Variants in NR6A1 observed in about 807,000 individuals in gnomAD.
NR6A1 encodes the protein nuclear receptor subfamily 6 group A member 1, also known as retinoic acid receptor-related testis-associated receptor.
A neutral mutation model predicts 59.1 loss-of-function variants in NR6A1; 7 were observed. The ratio of observed to expected loss-of-function variants is 0.12; its 90% CI spans 0.07 to 0.22. The LOEUF (loss-of-function observed/expected upper bound fraction) is 0.22, where lower values mean the gene tolerates loss of function less well. Among genes scored for constraint, NR6A1 ranks in the 10% least tolerant of loss-of-function variants. The pLI is 1.00. For missense variants in NR6A1, 468 were observed against 611.6 expected (o/e 0.77, Z 2.48); for synonymous variants, 243 against 236.1 (o/e 1.03, Z -0.27).
chr9:124,759,555 C>T (rs1214749221), intron 1 of NR6A1, among the ~76,000 whole-genome samples: 1 of 152,220 alleles, frequency 6.6e-6, no homozygotes, highest in Non-Finnish European at 1.5e-5. Flanking sequence ...GCAAAAGGCT[C>T]ATATTCCTGA....
intron 1 of NR6A1, among the ~76,000 whole-genome samples, chr9:124,743,857 A>G (rs1380772715): frequency 6.6e-6 from 1 of 152,138 alleles, no homozygotes; most frequent in Non-Finnish European, 1.5e-5. Context: ...ATTCTCTGGC[A>G]TTTTTCATTT....
intron 2 of NR6A1, among the ~76,000 whole-genome samples, chr9:124,648,620 T>G (rs1026022376): frequency 6.7e-6 from 1 of 150,290 alleles, no homozygotes; most frequent in Non-Finnish European, 1.5e-5. Flanking sequence ...GAGAAAGAAA[T>G]AAAGGGCAGC....
chr9:124,554,218 A>G, intron 3 of NR6A1, 110 bp downstream of exon 3: 5 of 1,515,214 alleles, frequency 3.3e-6, no homozygotes, highest in East Asian at 4.5e-5. Flanking sequence ...AGTACAAACT[A>G]TAAGGCCTGA....
intron 3 of NR6A1, 92 bp downstream of exon 3, chr9:124,554,236 T>G: frequency 6.3e-7 from 1 of 1,582,592 alleles, no homozygotes; most frequent in South Asian, 1.1e-5. Flanking sequence ...TGATATGTAG[T>G]GCAAGCTTGA....
At chr9:124,618,524 C>T (rs1835966262) in intron 2 of NR6A1, among the ~76,000 whole-genome samples, 1 of 152,018 alleles carries the variant, frequency 6.6e-6, no homozygotes, top group South Asian at 2.1e-4. Context: ...GAAAGGTAAC[C>T]ACGAGCCCAG....
chr9:124,532,181 T>A (rs1833119526), intron 7 of NR6A1, among the ~76,000 whole-genome samples: 1 of 152,242 alleles, frequency 6.6e-6, no homozygotes, highest in African/African-American at 2.4e-5. Context: ...ACATTCTCTT[T>A]ATACCCTAAA....
At position 124,687,291 on chromosome 9, in the gene NR6A1, A is replaced by ATTTATTTATTTAT. The variant is rs1838365950; in HGVS notation, c.142+46016_142+46017insATAAATAAATAAA. 3.0e-3 allele frequency among the ~76,000 whole-genome samples: 420 copies of ATTTATTTATTTAT among 142,166 alleles called. 4 individuals carry two copies. Among genetic ancestry groups the ATTTATTTATTTAT allele is most frequent in the African/African-American group, 0.01 (378 of 36,988 alleles). The allele number at this position is 142,166 out of a possible 152,430, so 93.3% of individuals were successfully genotyped here. A position where few individuals can be genotyped will look rare whatever the true frequency, so the allele number is the denominator to read the frequency against. ...ACATGCCACCACAGCCAGCTAATTAATTATTTATTTATTTATTTATTTATT... is the reference window on the plus strand; with the variant it reads ...ACATGCCACCACAGCCAGCTAATTAATTTATTTATTTATTTATTTATTTATTTATTTATTTATT... On this transcript the variant is annotated intron_variant, in intron 2 of 9. Transcript: ENST00000487099.
rs1439468997 is a variant in NR6A1, at chr9:124,520,205, G to C, written c.*2500C>G. ...CTCCTACCTTCTCCTCATAATACCT[G>C]AGTTTGCAATGCAACACATTCACTT... On this transcript the variant is annotated 3_prime_UTR_variant, in exon 10 of 10. Transcript: ENST00000487099. 1 of 151,950 alleles carries C rather than the reference G, an allele frequency of 6.6e-6. No individual in the cohort carries two copies. The highest frequency in any genetic ancestry group is 2.4e-5 in the African/African-American group (1 of 41,326). 9.4% of individuals were successfully genotyped at this position (151,950 alleles called of 1,614,324 possible).
At chr9:124,756,542 T>C (rs898670339) in intron 1 of NR6A1, among the ~76,000 whole-genome samples, 4 of 152,212 alleles carry the variant, frequency 2.6e-5, no homozygotes, top group Non-Finnish European at 5.9e-5. Flanking sequence ...TGTTCCTATT[T>C]CCATTCTGAA....
At chr9:124,534,809 C>A (rs1588644326) in intron 7 of NR6A1, among the ~76,000 whole-genome samples, 1 of 152,292 alleles carries the variant, frequency 6.6e-6, no homozygotes, top group South Asian at 2.1e-4. Flanking sequence ...AGGCTGGAGG[C>A]TGCGAGAAAG....
At chr9:124,564,522 A>G (rs1413378330) in intron 2 of NR6A1, among the ~76,000 whole-genome samples, 3 of 152,246 alleles carry the variant, frequency 2.0e-5, no homozygotes, top group African/African-American at 7.2e-5. Context: ...CAAGATCTCT[A>G]TGGAGAAACT....
intron 2 of NR6A1, among the ~76,000 whole-genome samples, chr9:124,558,832 A>ACCAACCAC (rs1833998243): frequency 1.3e-5 from 2 of 151,826 alleles, no homozygotes; most frequent in African/African-American, 2.4e-5. Flanking sequence ...AAACCAACCA[A>ACCAACCAC]CCAACCACCC....
intron 2 of NR6A1, among the ~76,000 whole-genome samples, chr9:124,710,222 C>T (rs1257355555): frequency 6.6e-6 from 1 of 152,088 alleles, no homozygotes; most frequent in African/African-American, 2.4e-5. Context: ...ACTTTATTTC[C>T]TTCTCGATGA....
intron 2 of NR6A1, among the ~76,000 whole-genome samples, chr9:124,612,762 C>G (rs1274864489): frequency 6.6e-6 from 1 of 151,162 alleles, no homozygotes; most frequent in African/African-American, 2.4e-5. Flanking sequence ...AATGTCAATG[C>G]AAAGTAGTAG....
intron 2 of NR6A1, among the ~76,000 whole-genome samples, chr9:124,604,875 C>T (rs1027821161): frequency 1.3e-5 from 2 of 151,924 alleles, no homozygotes; most frequent in African/African-American, 4.8e-5. Context: ...ATTTATCTTG[C>T]CTTTCCTAGA....
At chr9:124,656,970 G>A (rs187511368) in intron 2 of NR6A1, among the ~76,000 whole-genome samples, 222 of 152,286 alleles carry the variant, frequency 1.5e-3, no homozygotes, top group Non-Finnish European at 2.2e-3. Context: ...GAGTTCTGTG[G>A]TGGATGGATG....
At chr9:124,661,107 TC>T (rs1216220237) in intron 2 of NR6A1, among the ~76,000 whole-genome samples, 1 of 152,106 alleles carries the variant, frequency 6.6e-6, no homozygotes, top group Non-Finnish European at 1.5e-5. Context: ...ACAGAAAACT[TC>T]CGAGTTCTGG....
At chr9:124,686,340 A>G (rs1274465221) in intron 2 of NR6A1, among the ~76,000 whole-genome samples, 1 of 152,240 alleles carries the variant, frequency 6.6e-6, no homozygotes, top group Non-Finnish European at 1.5e-5. Flanking sequence ...TGCAAAACAC[A>G]CGCCTATTGG....
chr9:124,616,568 G>T (rs1460232971), intron 2 of NR6A1, among the ~76,000 whole-genome samples: 1 of 151,744 alleles, frequency 6.6e-6, no homozygotes, highest in African/African-American at 2.4e-5. Flanking sequence ...CTATATAAAG[G>T]TCTAACTTCT....
Sources: allele counts gnomAD v4.1 joint callset (sites outside exome capture counted in the v4.1 genomes callset), GRCh38; gene constraint gnomAD v4.1.1; transcripts MANE v1.5; gene names NCBI Gene and HGNC (gene_info 2026-07-23, HGNC 2026-07-21).